Variants in ZNF707 observed in about 807,000 individuals in gnomAD.
ZNF707 encodes the protein zinc finger protein 707.
A neutral mutation model predicts 13.3 loss-of-function variants in ZNF707; 8 were observed. That is an observed-to-expected ratio of 0.60 (90% CI 0.35 to 1.09). The LOEUF (loss-of-function observed/expected upper bound fraction) is 1.09. Among genes scored for constraint, ZNF707 ranks in the 50% least tolerant of loss-of-function variants. ZNF707 has a pLI of 0.02. For synonymous variants in ZNF707, 225 were observed against 205.6 expected, an observed-to-expected ratio of 1.09 and a Z score of -0.81; for missense variants, 530 against 512.6, an observed-to-expected ratio of 1.03 and a Z score of -0.33.
At chr8:143,691,866 G>A (rs1265775884) in intron 5 of ZNF707, 153 bp downstream of exon 5, 27 of 954,542 alleles carry the variant, frequency 2.8e-5, no homozygotes, top group Middle Eastern at 2.8e-4. Context: ...CATTAGAGAC[G>A]TAGGGGCAGC....
rs782437254 is a variant in ZNF707 at position 143,690,116 on chromosome 8, T to C, written c.8T>C (p.Met3Thr). Residue 3 changes from methionine (M) to threonine (T), a missense_variant, in exon 3 of 6, where the codon ATG becomes ACG. Coordinates refer to ENST00000358656, the MANE Select transcript of ZNF707 (RefSeq NM_001100598.2). ...GGTGGCCTCGCTGTTCCCATGGACATGGCCCAGGTGAGCCCTGCTGCTGCC... is the reference window on the plus strand; with the variant it reads ...GGTGGCCTCGCTGTTCCCATGGACACGGCCCAGGTGAGCCCTGCTGCTGCC... MD[M>T]AQEPVTFRDV... The C allele has an allele frequency of 6.8e-6, 11 of 1,607,642 alleles. No homozygotes were observed. The highest frequency in any genetic ancestry group is 9.3e-6 in the Non-Finnish European group (11 of 1,179,800).
chr8:143,692,021 G>A (rs563740227), intron 5 of ZNF707: 106 of 1,420,582 alleles, frequency 7.5e-5, no homozygotes, highest in African/African-American at 6.1e-4. Flanking sequence ...GCTGTCCGGC[G>A]GAGGCCATTG....
chr8:143,691,394 C>T (rs1436913242), intron 4 of ZNF707, 195 bp downstream of exon 4: 1 of 1,109,382 alleles, frequency 9.0e-7, no homozygotes, highest in Non-Finnish European at 1.2e-6. Flanking sequence ...GCAGCCTCAT[C>T]TTCCTTCCTC....
chr8:143,694,337 G>T lies in ZNF707; in HGVS notation c.923G>T (p.Arg308Met). Residue 308 changes from arginine to methionine, a missense_variant, in exon 6 of 6, where the codon AGG (arginine) becomes ATG (methionine). Physicochemically the swap from Arg to Met is moderately conservative, Grantham distance 91. Coordinates refer to ENST00000358656, the MANE Select transcript of ZNF707 (RefSeq NM_001100598.2). The surrounding 1 kb of genome is among the most constrained non-coding windows in gnomAD (Gnocchi z 4.4). ...AAGGAGAACCTCAGCCACCACCAGA[G>T]GGTCCACAGCGGGGAGAAGCCCTAC... ...RTKENLSHHQ[R>M]VHSGEKPYTC... 1 of 1,606,730 alleles carries T rather than the reference G, an allele frequency of 6.2e-7. No individual in the cohort carries two copies.
chr8:143,692,280 G>A, intron 5 of ZNF707: 1 of 1,289,894 alleles, frequency 7.8e-7, no homozygotes, highest in African/African-American at 1.5e-5. Flanking sequence ...ACGAGCCCTG[G>A]GAGGTCCCCG....
At position 143,693,392 on chromosome 8, in the gene ZNF707, A is replaced by C. The variant is rs1587400392; in HGVS notation, c.257-279A>C. On this transcript the variant is annotated intron_variant, in intron 5 of 5. Coordinates refer to ENST00000358656, the MANE Select transcript of ZNF707 (RefSeq NM_001100598.2). This position sits in a 1 kb window ranked among gnomAD's most constrained non-coding sequence, Gnocchi z 4.1. ...AAGCTCCGCTTCCCGGGTTCACGCCATTCTCCTGCCTCAGCCTCCCGAGTA... is the reference window on the plus strand; with the variant it reads ...AAGCTCCGCTTCCCGGGTTCACGCCCTTCTCCTGCCTCAGCCTCCCGAGTA... Among the ~76,000 whole-genome samples the C allele has an allele frequency of 6.7e-6, 1 of 149,484 alleles. No homozygotes were observed. Among genetic ancestry groups the C allele is most frequent in the Non-Finnish European group, 1.5e-5 (1 of 67,624 alleles).
chr8:143,692,032 G>A (rs1040738279), intron 5 of ZNF707: 1 of 1,406,226 alleles, frequency 7.1e-7, no homozygotes. Flanking sequence ...GAGGCCATTG[G>A]TGTGGGTGTC....
At chr8:143,685,548 A>G (rs1816182495) in intron 1 of ZNF707, among the ~76,000 whole-genome samples, 1 of 107,104 alleles carries the variant, frequency 9.3e-6, no homozygotes, top group Admixed American at 9.4e-5. Flanking sequence ...AAAAAAAAAA[A>G]GGTAGCTTAG....
chr8:143,685,924 C>T (rs1300110880), intron 1 of ZNF707, among the ~76,000 whole-genome samples: 3 of 152,190 alleles, frequency 2.0e-5, no homozygotes, highest in African/African-American at 7.2e-5. Flanking sequence ...CCGTATTAAA[C>T]TTTGTTGCAT....
At position 143,694,668 on chromosome 8, in the gene ZNF707, T is replaced by C. The variant is rs1817180303; in HGVS notation, c.*138T>C. 4.0e-6 allele frequency: 4 copies of C among 1,011,740 alleles called. No individual in the cohort carries two copies. Among genetic ancestry groups the C allele is most frequent in the Middle Eastern group, 3.1e-4 (1 of 3,252 alleles). 62.7% of individuals were successfully genotyped at this position (1,011,740 alleles called of 1,614,324 possible). On this transcript the variant is annotated 3_prime_UTR_variant, in exon 6 of 6. Transcript: ENST00000358656. This position sits in a 1 kb window ranked among gnomAD's most constrained non-coding sequence, Gnocchi z 4.4. Reference sequence around the variant, plus strand: ...CTTCTTAGTCCTCAGAGCTCCCCAGTCCCCCGAGAAGTTTACTGGGAAAAC... The same window carrying C: ...CTTCTTAGTCCTCAGAGCTCCCCAGCCCCCCGAGAAGTTTACTGGGAAAAC...
Position 143,694,763 on chromosome 8 carries a change from C to T in ZNF707, c.*233C>T, listed in dbSNP as rs527949882. On this transcript the variant is annotated 3_prime_UTR_variant, in exon 6 of 6. Coordinates refer to ENST00000358656, the MANE Select transcript of ZNF707 (RefSeq NM_001100598.2). The surrounding 1 kb of genome is among the most constrained non-coding windows in gnomAD (Gnocchi z 4.4). ...GGGGCTCTGGAGATGGCGGGGGCTG[C>T]GCCCCGGCGCCGGGCATCCTGGGGA... The T allele has an allele frequency of 9.8e-6, 5 of 511,678 alleles. No individual in the cohort carries two copies. The highest frequency in any genetic ancestry group is 7.2e-5 in the South Asian group (2 of 27,844). The allele number at this position is 511,678 out of a possible 1,614,324, so 31.7% of individuals were successfully genotyped here. A position where few individuals can be genotyped will look rare whatever the true frequency, so the allele number is the denominator to read the frequency against.
intron 3 of ZNF707, chr8:143,690,388 G>A (rs1433379755): frequency 4.2e-6 from 2 of 481,112 alleles, no homozygotes; most frequent in East Asian, 3.6e-5. Flanking sequence ...TGGCTAACAC[G>A]GTGAAACCCC....
At chr8:143,687,482 C>G (rs1816395536) in intron 1 of ZNF707, 1 of 152,096 alleles carries the variant, frequency 6.6e-6, no homozygotes, top group African/African-American at 2.4e-5. Context: ...ATGACAGGTG[C>G]CTGCCACCAT....
At chr8:143,688,308 A>G (rs1280747588) in intron 1 of ZNF707, among the ~76,000 whole-genome samples, 2 of 152,232 alleles carry the variant, frequency 1.3e-5, no homozygotes, top group African/African-American at 4.8e-5. Flanking sequence ...TCATGAAAAC[A>G]TGTAGCAGTT....
chr8:143,687,371 T>C (rs1000448772), intron 1 of ZNF707: 20 of 152,284 alleles, frequency 1.3e-4, no homozygotes, highest in African/African-American at 4.8e-4. Context: ...GTTTTGCTCT[T>C]GTTCCCCAGG....
chr8:143,694,528 T>C lies in ZNF707; in HGVS notation c.1114T>C (p.Ter372GlnextTer17). 1.3e-6 allele frequency: 2 copies of C among 1,594,400 alleles called. No homozygotes were observed. Among genetic ancestry groups the C allele is most frequent in the Non-Finnish European group, 1.7e-6 (2 of 1,166,802 alleles). ...HQRTHRHGEV[*>Q] ...GAGGACTCACAGGCACGGGGAGGTG[T>C]AGGGGCGCCCGAAGAGTGGGGTGCT... The change falls in exon 6 of 6, where the codon TAG becomes CAG. Residue 372 changes from the stop codon to glutamine (Q), a stop_lost. Transcript: ENST00000358656. This position sits in a 1 kb window ranked among gnomAD's most constrained non-coding sequence, Gnocchi z 4.4.
intron 1 of ZNF707, chr8:143,686,989 A>G (rs1159968059): frequency 6.7e-6 from 1 of 148,832 alleles, no homozygotes; most frequent in Non-Finnish European, 1.5e-5. Flanking sequence ...CTCCTGCCCC[A>G]GCCTCCTGAG....
In ZNF707 at chr8:143,691,963, G is replaced by A. The variant is rs992866863; in HGVS notation, c.256+250G>A. 3.7e-6 allele frequency: 5 copies of A among 1,369,594 alleles called. No homozygotes were observed. In the African/African-American group the frequency reaches 4.3e-5, roughly 12 times the overall value. 84.8% of individuals were successfully genotyped at this position (1,369,594 alleles called of 1,614,324 possible). A position where few individuals can be genotyped will look rare whatever the true frequency, so the allele number is the denominator to read the frequency against. ...ATGACATACAGCTGCAGCTCGGAGG[G>A]GCCTGAGGCTGGAGTGACACTTGAA... On this transcript the variant is annotated intron_variant, in intron 5 of 5. Transcript: ENST00000358656.
At chr8:143,690,781 G>A in intron 3 of ZNF707, 1 of 428,822 alleles carries the variant, frequency 2.3e-6, no homozygotes, top group Non-Finnish European at 4.2e-6. Context: ...CTATTGTGCT[G>A]TGTTCACGCG....
Sources: gnomAD v4.1 joint callset for allele counts (sites outside exome capture counted in the v4.1 genomes callset) on GRCh38, gnomAD v4.1.1 for gene constraint, Gnocchi (gnomAD v3.1) non-coding constraint, MANE v1.5 for transcripts, NCBI Gene and HGNC (gene_info 2026-07-23, HGNC 2026-07-21) for gene names.